The following SV2C variants were observed in gnomAD, a reference collection of about 807,000 sequenced individuals.
The protein encoded by SV2C is solute carrier family 22 member B3.
A neutral mutation model predicts 79.7 loss-of-function variants in SV2C; 49 were observed. That is an observed-to-expected ratio of 0.61 (90% CI 0.49 to 0.78). SV2C has a LOEUF of 0.78. Among genes scored for constraint, SV2C ranks in the 30% least tolerant of loss-of-function variants. SV2C has a pLI of 0.00. For synonymous variants in SV2C, 334 were observed against 333.2 expected, an observed-to-expected ratio of 1.00 and a Z score of -0.03; for missense variants, 833 against 912.9, an observed-to-expected ratio of 0.91 and a Z score of 1.13.
At chr5:76,320,398 G>T (rs904824161) in intron 12 of SV2C, among the ~76,000 whole-genome samples, 1 of 152,134 alleles carries the variant, frequency 6.6e-6, no homozygotes, top group African/African-American at 2.4e-5. Context: ...AAAACCCACA[G>T]AATGTACAAC....
intron 1 of SV2C, among the ~76,000 whole-genome samples, chr5:76,118,779 C>T (rs773868949): frequency 5.3e-5 from 8 of 152,198 alleles, no homozygotes; most frequent in East Asian, 1.9e-4. Context: ...GACAGGAGTT[C>T]GAGACCAGCC....
At position 76,328,261 on chromosome 5, in the gene SV2C, G is replaced by A. The variant is rs1749067870; in HGVS notation, c.*2714G>A. 1 of 152,166 alleles carries A rather than the reference G, an allele frequency of 6.6e-6. No individual in the cohort carries two copies. Among genetic ancestry groups the A allele is most frequent in the Admixed American group, 6.6e-5 (1 of 15,260 alleles). 9.4% of individuals were successfully genotyped at this position (152,166 alleles called of 1,614,324 possible). On this transcript the variant is annotated 3_prime_UTR_variant, in exon 13 of 13. Transcript: ENST00000502798. ...CTGGCATCTCATTTCGCCTACAGTA[G>A]AAGGAAAATGAAAATTTGTACAAAA...
the SV2C span, among the ~76,000 whole-genome samples, chr5:75,927,248 G>A: frequency 6.6e-6 from 1 of 151,998 alleles, no homozygotes; most frequent in South Asian, 2.1e-4. Flanking sequence ...CAACCCAAAT[G>A]TCCATCGACA....
upstream of SV2C, chr5:76,079,569 C>A: frequency 6.2e-6 from 2 of 321,588 alleles, no homozygotes; most frequent in South Asian, 3.4e-5. Context: ...ATTTTTGACC[C>A]ATGAATGAAT....
intron 12 of SV2C, among the ~76,000 whole-genome samples, chr5:76,346,560 C>T (rs555511418): frequency 1.5e-4 from 23 of 152,334 alleles, no homozygotes; most frequent in African/African-American, 5.5e-4. Context: ...TTAGCACCTG[C>T]TACGTGGCAG....
At chr5:76,069,096 A>G in the SV2C span, among the ~76,000 whole-genome samples, 1 of 152,216 alleles carries the variant, frequency 6.6e-6, no homozygotes, top group African/African-American at 2.4e-5. Flanking sequence ...CATGGTCTTC[A>G]GCTCCTTCCT....
chr5:75,900,674 C>T, the SV2C span, among the ~76,000 whole-genome samples: 2,514 of 152,230 alleles, frequency 0.017, 35 homozygotes, highest in African/African-American at 0.043. Context: ...AACTTGGTTC[C>T]ACTCTCCCCG....
chr5:76,130,145 TAAAAAAAAAAA>T (rs375351450), intron 1 of SV2C, among the ~76,000 whole-genome samples: 1 of 67,834 alleles, frequency 1.5e-5, no homozygotes, highest in East Asian at 1.1e-3. Context: ...TCTCAGTTCT[TAAAAAAAAAAA>T]AAAAAAAAAA....
the SV2C span, among the ~76,000 whole-genome samples, chr5:76,052,777 A>G: frequency 6.6e-6 from 1 of 152,204 alleles, no homozygotes; most frequent in Non-Finnish European, 1.5e-5. Flanking sequence ...TCTTTCAACA[A>G]AGCAACTCTG....
chr5:76,010,589 A>G, the SV2C span, among the ~76,000 whole-genome samples: 1 of 152,162 alleles, frequency 6.6e-6, no homozygotes, highest in Non-Finnish European at 1.5e-5. Flanking sequence ...GGAAAAAAGG[A>G]TATTAAATCA....
chr5:76,223,132 C>T (rs942815539), intron 4 of SV2C, among the ~76,000 whole-genome samples: 1 of 151,992 alleles, frequency 6.6e-6, no homozygotes, highest in East Asian at 1.9e-4. Context: ...GAGACCTAAG[C>T]CTTCATCATT....
At chr5:75,997,484 A>T in the SV2C span, among the ~76,000 whole-genome samples, 2 of 152,200 alleles carry the variant, frequency 1.3e-5, no homozygotes, top group African/African-American at 4.8e-5. Flanking sequence ...GAACTCAGAC[A>T]AATTTACAAG....
the SV2C span, among the ~76,000 whole-genome samples, chr5:76,014,007 G>A: frequency 6.6e-6 from 1 of 152,002 alleles, no homozygotes; most frequent in Non-Finnish European, 1.5e-5. Flanking sequence ...AATGCTAAGT[G>A]GGACTTCTGA....
chr5:75,933,030 T>A, the SV2C span, among the ~76,000 whole-genome samples: 2 of 152,184 alleles, frequency 1.3e-5, no homozygotes, highest in Admixed American at 6.5e-5. Context: ...TTATTTGCAG[T>A]TCCTGGATCC....
At chr5:76,340,646 C>T (rs1478144594) in intron 12 of SV2C, among the ~76,000 whole-genome samples, 3 of 152,158 alleles carry the variant, frequency 2.0e-5, no homozygotes, top group Admixed American at 2.0e-4. Flanking sequence ...CCGCAAAATG[C>T]CCAGCTCCAC....
At chr5:75,877,951 A>AC in the SV2C span, among the ~76,000 whole-genome samples, 8 of 127,168 alleles carry the variant, frequency 6.3e-5, no homozygotes, top group African/African-American at 2.4e-4. Context: ...AAAAAAAAAA[A>AC]AAACAAGTTT....
At chr5:75,900,775 T>C in the SV2C span, among the ~76,000 whole-genome samples, 2 of 152,298 alleles carry the variant, frequency 1.3e-5, no homozygotes, top group South Asian at 4.1e-4. Context: ...TTGGAGGCTT[T>C]GTTCATTTCT....
chr5:75,849,876 A>G, the SV2C span, among the ~76,000 whole-genome samples: 2 of 152,160 alleles, frequency 1.3e-5, no homozygotes, highest in Non-Finnish European at 2.9e-5. Flanking sequence ...AGGACATAGT[A>G]TGCCTTTCCT....
the SV2C span, among the ~76,000 whole-genome samples, chr5:75,969,634 A>T: frequency 1.1e-4 from 17 of 152,360 alleles, no homozygotes; most frequent in Admixed American, 2.6e-4. Context: ...TATCCTAAAT[A>T]TATATGCACC....
Sources: gnomAD v4.1 joint callset for allele counts (sites outside exome capture counted in the v4.1 genomes callset) on GRCh38, gnomAD v4.1.1 for gene constraint, MANE v1.5 for transcripts, NCBI Gene and HGNC (gene_info 2026-07-23, HGNC 2026-07-21) for gene names.